The following PIEZO2 variants were observed in gnomAD, a reference collection of about 807,000 sequenced individuals.
PIEZO2 encodes piezo-type mechanosensitive ion channel component 2.
A neutral mutation model predicts 337.3 loss-of-function variants in PIEZO2; 172 were observed. The ratio of observed to expected loss-of-function variants is 0.51; its 90% confidence interval spans 0.45 to 0.58. The LOEUF is 0.58. PIEZO2 is among the 20% of genes least tolerant of loss of function. PIEZO2 has a pLI of 0.00. For missense variants in PIEZO2, 3,028 were observed against 3,391.3 expected (o/e 0.89, Z 2.66); for synonymous variants, 1,251 against 1,228.5 (o/e 1.02, Z -0.38).
chr18:10,682,081 G>A lies in PIEZO2; in HGVS notation c.7686+23C>T. 1 of 1,523,878 alleles carries A rather than the reference G, an allele frequency of 6.6e-7. No individual in the cohort carries two copies. Among genetic ancestry groups the A allele is most frequent in the Non-Finnish European group, 8.8e-7 (1 of 1,138,704 alleles). The allele number at this position is 1,523,878 out of a possible 1,614,324, so 94.4% of individuals were successfully genotyped here. ...TGTGGCGTGGGGCAAGGCTCTGGTA[G>A]GTGGGGTGTGCACAGAGATCACCTG... On this transcript the variant is annotated intron_variant, in intron 50 of 55. Coordinates refer to ENST00000674853, the MANE Select transcript of PIEZO2 (RefSeq NM_001378183.1). The surrounding 1 kb of genome is among the most constrained non-coding windows in gnomAD (Gnocchi z 5.6).
rs1216509992 is a variant in PIEZO2, at chr18:10,899,222, C to T, written c.329+11964G>A. 6.6e-6 allele frequency among the ~76,000 whole-genome samples: 1 copy of T among 152,176 alleles called. No individual in the cohort carries two copies. Among genetic ancestry groups the T allele is most frequent in the Non-Finnish European group, 1.5e-5 (1 of 68,020 alleles). On this transcript the variant is annotated intron_variant, in intron 4 of 55. Coordinates refer to ENST00000674853, the MANE Select transcript of PIEZO2 (RefSeq NM_001378183.1). This position sits in a 1 kb window ranked among gnomAD's most constrained non-coding sequence, Gnocchi z 4.6. The stretch of plus-strand genomic sequence containing the variant: ...AATGAAACAACCAAGCTATGGAAGT[C>T]ATACAATACTGGGACAATCCTGTAG...
chr18:10,800,459 A>ACAGTCACCAGCAGG lies in PIEZO2; in HGVS notation c.1242_1255dup (p.Val419AlafsTer4). Reference sequence around the variant, plus strand: ...GTGGTAATCCACGGGGTTGCCGTTCACAGTCACCAGCAGGCCCTGCCGGGA... The same window carrying ACAGTCACCAGCAGG: ...GTGGTAATCCACGGGGTTGCCGTTCACAGTCACCAGCAGGCAGTCACCAGCAGGCCCTGCCGGGA... On this transcript the variant is annotated stop_gained and frameshift_variant, in exon 11 of 56. Coordinates refer to ENST00000674853, the MANE Select transcript of PIEZO2 (RefSeq NM_001378183.1). LOFTEE classifies it high-confidence loss of function. The ACAGTCACCAGCAGG allele has an allele frequency of 6.5e-7, 1 of 1,533,586 alleles. No individual in the cohort carries two copies. Among genetic ancestry groups the ACAGTCACCAGCAGG allele is most frequent in the Non-Finnish European group, 8.7e-7 (1 of 1,145,394 alleles). 95.0% of individuals were successfully genotyped at this position (1,533,586 alleles called of 1,614,324 possible).
chr18:10,870,972 C>T lies in PIEZO2; in HGVS notation c.492+281G>A, dbSNP rs563932860. On this transcript the variant is annotated intron_variant, in intron 5 of 55. Transcript: ENST00000674853. This position sits in a 1 kb window ranked among gnomAD's most constrained non-coding sequence, Gnocchi z 5.3. ...TGTATGACCTTGCACGGTTAGCCTCCGAGATAATATCACGTGATAGTTTGG... is the reference window on the plus strand; with the variant it reads ...TGTATGACCTTGCACGGTTAGCCTCTGAGATAATATCACGTGATAGTTTGG... Among the ~76,000 whole-genome samples the T allele has an allele frequency of 1.9e-4, 29 of 152,150 alleles. No individual in the cohort carries two copies. The South Asian group carries it at 5.8e-3, about 31-fold the overall frequency.
Position 10,750,371 on chromosome 18 carries a change from G to GA in PIEZO2, c.4168-185dup, listed in dbSNP as rs2037601255. On this transcript the variant is annotated intron_variant, in intron 28 of 55. Coordinates refer to ENST00000674853, the MANE Select transcript of PIEZO2 (RefSeq NM_001378183.1). The surrounding 1 kb of genome is among the most constrained non-coding windows in gnomAD (Gnocchi z 4.1). ...CTTCAGGAGCAATGTAAATTCCTGG[G>GA]AAAAATTAAACCTAACGAGGAAAGG... 6.6e-6 allele frequency among the ~76,000 whole-genome samples: 1 copy of GA among 152,186 alleles called. No individual in the cohort carries two copies. Among genetic ancestry groups the GA allele is most frequent in the Non-Finnish European group, 1.5e-5 (1 of 68,038 alleles).
intron 1 of PIEZO2, among the ~76,000 whole-genome samples, chr18:11,082,274 A>C (rs1410881513): frequency 2.6e-5 from 4 of 152,036 alleles, no homozygotes; most frequent in African/African-American, 9.7e-5. Flanking sequence ...TTCTACTCGA[A>C]TATGTACCAT....
intron 3 of PIEZO2, among the ~76,000 whole-genome samples, chr18:10,946,501 C>G (rs2033030599): frequency 6.6e-6 from 1 of 152,096 alleles, no homozygotes; most frequent in South Asian, 2.1e-4. Context: ...CAGGGTTGAG[C>G]AAGGAGCTGA....
intron 1 of PIEZO2, among the ~76,000 whole-genome samples, chr18:11,095,388 G>A (rs763786879): frequency 7.9e-5 from 12 of 152,154 alleles, no homozygotes; most frequent in East Asian, 1.9e-4. Flanking sequence ...CACGGTGTGC[G>A]TAACCTAAGA....
rs1876368 is a variant in PIEZO2 at position 11,021,542 on chromosome 18, G to T, written c.161-41882C>A. Among the ~76,000 whole-genome samples, 71,765 of 151,876 alleles carry T rather than the reference G, an allele frequency of 0.47. 17,064 individuals are homozygous for T. Among genetic ancestry groups the T allele is most frequent in the Middle Eastern group, 0.55 (163 of 294 alleles). Reference sequence around the variant, plus strand: ...CTCTCCTGCTTCAGCCGCCAATGGCGTTTAGTCTCCTTGTGAATTCGTGAG... The same window carrying T: ...CTCTCCTGCTTCAGCCGCCAATGGCTTTTAGTCTCCTTGTGAATTCGTGAG... On this transcript the variant is annotated intron_variant, in intron 2 of 55. Transcript: ENST00000674853. The surrounding 1 kb of genome is among the most constrained non-coding windows in gnomAD (Gnocchi z 4.7).
chr18:10,902,306 T>G (rs1306396788), intron 4 of PIEZO2, among the ~76,000 whole-genome samples: 3 of 152,226 alleles, frequency 2.0e-5, no homozygotes, highest in Admixed American at 6.5e-5. Context: ...AATTGCAGAA[T>G]GCTATGACCG....
chr18:11,048,835 G>A lies in PIEZO2; in HGVS notation c.160+17292C>T, dbSNP rs887692731. Among the ~76,000 whole-genome samples, 5 of 152,136 alleles carry A rather than the reference G, an allele frequency of 3.3e-5. No homozygotes were observed. The East Asian group carries it at 9.6e-4, about 29-fold the overall frequency. ...GGCATATAGCTATACTGTGTTTCCTGTTTATTCTTCTTATAATTAATAATC... is the reference window on the plus strand; with the variant it reads ...GGCATATAGCTATACTGTGTTTCCTATTTATTCTTCTTATAATTAATAATC... On this transcript the variant is annotated intron_variant, in intron 2 of 55. Coordinates refer to ENST00000674853, the MANE Select transcript of PIEZO2 (RefSeq NM_001378183.1). The surrounding 1 kb of genome is among the most constrained non-coding windows in gnomAD (Gnocchi z 4.5).
intron 2 of PIEZO2, among the ~76,000 whole-genome samples, chr18:11,065,687 A>G (rs1343804053): frequency 2.0e-5 from 3 of 152,144 alleles, no homozygotes; most frequent in Non-Finnish European, 4.4e-5. Context: ...GCTGGGACAA[A>G]TCTTCCTACC....
chr18:10,939,143 A>C (rs2032573925), intron 3 of PIEZO2, among the ~76,000 whole-genome samples: 1 of 152,206 alleles, frequency 6.6e-6, no homozygotes, highest in Non-Finnish European at 1.5e-5. Context: ...AAAAAGTGGG[A>C]GTTTTCATAA....
intron 32 of PIEZO2, among the ~76,000 whole-genome samples, chr18:10,742,138 G>T (rs1449463756): frequency 1.3e-5 from 2 of 152,140 alleles, no homozygotes; most frequent in African/African-American, 4.8e-5. Flanking sequence ...CTGGGGGACA[G>T]AGCGAGACTC....
At position 11,032,356 on chromosome 18, in the gene PIEZO2, C is replaced by T. The variant is rs532627307; in HGVS notation, c.160+33771G>A. ...TACACCACTCCTGGACATTCATTTCCGTGTCTGCAGACAGAAGGTAATGGC... is the reference window on the plus strand; with the variant it reads ...TACACCACTCCTGGACATTCATTTCTGTGTCTGCAGACAGAAGGTAATGGC... On this transcript the variant is annotated intron_variant, in intron 2 of 55. Transcript: ENST00000674853. The surrounding 1 kb of genome is among the most constrained non-coding windows in gnomAD (Gnocchi z 4.9). 2.6e-5 allele frequency among the ~76,000 whole-genome samples: 4 copies of T among 152,308 alleles called. No individual in the cohort carries two copies. Among genetic ancestry groups the T allele is most frequent in the Non-Finnish European group, 4.4e-5 (3 of 68,022 alleles).
chr18:10,768,362 C>A (rs1598454603), intron 21 of PIEZO2, among the ~76,000 whole-genome samples: 1 of 152,132 alleles, frequency 6.6e-6, no homozygotes, highest in Non-Finnish European at 1.5e-5. Context: ...GAAGAGAAGT[C>A]TTTTGATTGG....
chr18:11,106,391 C>A (rs370574455), intron 1 of PIEZO2, among the ~76,000 whole-genome samples: 2 of 151,178 alleles, frequency 1.3e-5, no homozygotes, highest in Middle Eastern at 3.4e-3. Flanking sequence ...AGCCACAGCA[C>A]CCGGCCCATT....
intron 36 of PIEZO2, among the ~76,000 whole-genome samples, chr18:10,719,614 G>A (rs1282673656): frequency 6.6e-6 from 1 of 152,082 alleles, no homozygotes; most frequent in East Asian, 1.9e-4. Context: ...CGGACACTTA[G>A]GTTGATTACA....
intron 2 of PIEZO2, among the ~76,000 whole-genome samples, chr18:11,045,023 C>T (rs1000934852): frequency 6.6e-6 from 1 of 151,950 alleles, no homozygotes; most frequent in African/African-American, 2.4e-5. Context: ...GGGCCAGGCA[C>T]GGTGGCTCAT....
Position 11,148,996 on chromosome 18 carries a change from T to TC in PIEZO2, c.-409dup. 6.6e-6 allele frequency among the ~76,000 whole-genome samples: 1 copy of TC among 151,374 alleles called. No homozygotes were observed. The highest frequency in any genetic ancestry group is 2.1e-4 in the South Asian group (1 of 4,780). On this transcript the variant is annotated 5_prime_UTR_variant, in exon 1 of 56. Coordinates refer to ENST00000674853, the MANE Select transcript of PIEZO2 (RefSeq NM_001378183.1). The surrounding 1 kb of genome is among the most constrained non-coding windows in gnomAD (Gnocchi z 5.2). ...AGGGGGCAAGAAGGGCGTGCTGTGC[T>TC]CCCGCCTGGCTCCCGGGGCGTCGTT... is the stretch of plus-strand genomic sequence containing the variant.
Sources: allele counts gnomAD v4.1 joint callset (sites outside exome capture counted in the v4.1 genomes callset), GRCh38; gene constraint gnomAD v4.1.1; non-coding constraint Gnocchi (gnomAD v3.1); transcripts MANE v1.5; gene names NCBI Gene and HGNC (gene_info 2026-07-23, HGNC 2026-07-21).